Variants in DNAH6 observed in about 807,000 individuals in gnomAD.
DNAH6 encodes axonemal beta dynein heavy chain 6.
Under a neutral mutation model 491.4 loss-of-function variants are expected in DNAH6, and 340 were observed. That is an observed-to-expected ratio of 0.69 (90% confidence interval 0.63 to 0.76). DNAH6 has a LOEUF of 0.76. Ranked by LOEUF, DNAH6 falls within the 30% of genes least tolerant of loss-of-function variation. The pLI is 0.00. For missense variants in DNAH6, 4,443 were observed against 4,972.2 expected, an observed-to-expected ratio of 0.89 and a Z score of 3.20; for synonymous variants, 1,603 against 1,686.1, an observed-to-expected ratio of 0.95 and a Z score of 1.21.
Position 84,819,387 on chromosome 2 carries a change from G to C in DNAH6, c.12456G>C (p.Leu4152Phe). The part of the protein sequence containing the change: ...KDYWIAKGSA[L>F]LCQLSE The stretch of plus-strand genomic sequence containing the variant: ...ACTGGATTGCCAAGGGATCAGCTTT[G>C]CTCTGCCAGCTGAGCGAATGAAAAG... The change falls in exon 77 of 77, where the codon TTG becomes TTC. Residue 4152 changes from leucine (L) to phenylalanine (F), a missense_variant. Around this residue, in one of 3 missense-constraint regions of DNAH6, gnomAD observed 1,463 missense variants for 1,656.6 expected, o/e 0.88. Transcript: ENST00000389394. 1 of 1,551,006 alleles carries C rather than the reference G, an allele frequency of 6.4e-7. No homozygotes were observed. The highest frequency in any genetic ancestry group is 8.7e-7 in the Non-Finnish European group (1 of 1,146,596).
chr2:84,765,085 G>A (rs555651940), intron 64 of DNAH6, among the ~76,000 whole-genome samples: 28 of 151,852 alleles, frequency 1.8e-4, no homozygotes, highest in Non-Finnish European at 3.7e-4. Flanking sequence ...CATTTCAGAA[G>A]AACTTAAATA....
In DNAH6 at chr2:84,619,817, C is replaced by T. The variant is rs889098093; in HGVS notation, c.3705C>T (p.Ala1235=). The T allele has an allele frequency of 2.9e-5, 45 of 1,551,232 alleles. No individual in the cohort carries two copies. Among genetic ancestry groups the T allele is most frequent in the African/African-American group, 6.9e-5 (5 of 72,946 alleles). ...TCGAATTTGCTCTCATGCCTCCTGC[C>T]GAAGGAAAGATTCCTGGTATTGATG... ...SKLEFALMPP[A]EGKIPGIDGE... The change falls in exon 24 of 77, where the codon GCC becomes GCT. Residue 1235 remains alanine (A), a synonymous_variant. Transcript: ENST00000389394.
At chr2:84,719,661 C>A (rs1697894789) in intron 59 of DNAH6, among the ~76,000 whole-genome samples, 1 of 151,964 alleles carries the variant, frequency 6.6e-6, no homozygotes, top group South Asian at 2.1e-4. Context: ...CAAATGCACG[C>A]CACTACGCCC....
intron 2 of DNAH6, among the ~76,000 whole-genome samples, chr2:84,524,313 C>T (rs1676413409): frequency 1.3e-5 from 2 of 151,828 alleles, no homozygotes. Flanking sequence ...AGATTTTCCT[C>T]CATCCCTTTT....
At chr2:84,813,407 C>T (rs1264233139) in intron 74 of DNAH6, among the ~76,000 whole-genome samples, 1 of 152,162 alleles carries the variant, frequency 6.6e-6, no homozygotes, top group Non-Finnish European at 1.5e-5. Flanking sequence ...TGCCTCAGTT[C>T]CCCATATGAC....
rs1022402414 is a variant in DNAH6, at chr2:84,707,731, T to C, written c.9048+15T>C. The C allele has an allele frequency of 6.5e-7, 1 of 1,547,478 alleles. No individual in the cohort carries two copies. The highest frequency in any genetic ancestry group is 1.4e-5 in the African/African-American group (1 of 72,958). On this transcript the variant is annotated intron_variant, in intron 54 of 76. Transcript: ENST00000389394. ...ACAGGCAGTCAGTGAGTAACCCTGC[T>C]TTCTGTAAGGAGGGGTAAGAAGCAG...
intron 11 of DNAH6, among the ~76,000 whole-genome samples, chr2:84,563,376 TA>T (rs1320989523): frequency 2.0e-5 from 3 of 152,188 alleles, no homozygotes; most frequent in Non-Finnish European, 4.4e-5. Context: ...CTTTTCTCCA[TA>T]GCCTCCCTAG....
the DNAH6 span, among the ~76,000 whole-genome samples, chr2:84,485,988 A>G: frequency 2.0e-5 from 3 of 152,260 alleles, no homozygotes; most frequent in Non-Finnish European, 2.9e-5. Flanking sequence ...ATGTGTCCCC[A>G]TGTTCAAAAA....
At chr2:84,510,902 A>G in the DNAH6 span, among the ~76,000 whole-genome samples, 2 of 152,218 alleles carry the variant, frequency 1.3e-5, no homozygotes, top group African/African-American at 4.8e-5. Context: ...ATTGGTAAAC[A>G]GCAAATGTTG....
chr2:84,505,956 C>T, the DNAH6 span, among the ~76,000 whole-genome samples: 1 of 152,254 alleles, frequency 6.6e-6, no homozygotes, highest in South Asian at 2.1e-4. Context: ...TCCAGTCAAT[C>T]ATTGTTGGAC....
chr2:84,547,359 C>T lies in DNAH6; in HGVS notation c.1022C>T (p.Thr341Ile), dbSNP rs762808476. 6.4e-7 allele frequency: 1 copy of T among 1,551,704 alleles called. No homozygotes were observed. The highest frequency in any genetic ancestry group is 1.2e-5 in the South Asian group (1 of 84,052). The change falls in exon 6 of 77, where the codon ACC becomes ATC. Residue 341 changes from threonine (T) to isoleucine (I), a missense_variant. By Grantham distance (89) the Thr-to-Ile change is moderately conservative. Around this residue, in one of 3 missense-constraint regions of DNAH6, gnomAD observed 2,977 missense variants for 3,296.6 expected, o/e 0.90. Coordinates refer to ENST00000389394, the MANE Select transcript of DNAH6 (RefSeq NM_001370.2). Reference protein sequence around the residue: ...LCYIEKCHTYTLQEFKAAQVI... With the variant: ...LCYIEKCHTYILQEFKAAQVI... ...TATATTGAAAAGTGTCACACCTACA[C>T]CCTGCAGGAATTTAAGGCCGCACAA...
intron 40 of DNAH6, among the ~76,000 whole-genome samples, chr2:84,675,978 A>G (rs1167755752): frequency 2.6e-5 from 4 of 152,136 alleles, no homozygotes; most frequent in African/African-American, 7.2e-5. Flanking sequence ...TGTCCTTCCC[A>G]CTAAAGCTGC....
At chr2:84,756,971 A>T (rs970494328) in intron 63 of DNAH6, among the ~76,000 whole-genome samples, 1 of 152,228 alleles carries the variant, frequency 6.6e-6, no homozygotes, top group African/African-American at 2.4e-5. Flanking sequence ...AGGAGCTCCT[A>T]GCAAAGAACT....
In DNAH6 at chr2:84,813,963, A is replaced by C. The variant is rs777625165; in HGVS notation, c.11999-8A>C. 227 of 1,551,546 alleles carry C rather than the reference A, an allele frequency of 1.5e-4. 5 individuals carry two copies. In the South Asian group the frequency reaches 2.1e-3, roughly 14 times the overall value. On this transcript the variant is annotated splice_region_variant and splice_polypyrimidine_tract_variant and intron_variant, in intron 74 of 76. Coordinates refer to ENST00000389394, the MANE Select transcript of DNAH6 (RefSeq NM_001370.2). ...TTGAACGCAGCTTTCCGATTTTCAC[A>C]ATTACAGGAACTCTTCAAAATCATG... is the stretch of plus-strand genomic sequence containing the variant.
At chr2:84,592,388 A>G (rs545084118) in intron 16 of DNAH6, among the ~76,000 whole-genome samples, 24 of 152,306 alleles carry the variant, frequency 1.6e-4, no homozygotes, top group African/African-American at 5.3e-4. Flanking sequence ...ATCAAACCAC[A>G]AGAAGGTATC....
chr2:84,654,276 A>G lies in DNAH6; in HGVS notation c.5635-384A>G, dbSNP rs77806216. Among the ~76,000 whole-genome samples, 1,150 of 152,262 alleles carry G rather than the reference A, an allele frequency of 7.6e-3. 14 individuals are homozygous for G. The highest frequency in any genetic ancestry group is 0.037 in the Middle Eastern group (11 of 294). On this transcript the variant is annotated intron_variant, in intron 34 of 76. Transcript: ENST00000389394. ...AGAGGAATGTGGACCAAGTACAGCT[A>G]CCAACATTATGAAGGATGCCACCTG...
chr2:84,673,145 G>A (rs1305252010), intron 40 of DNAH6, among the ~76,000 whole-genome samples: 1 of 152,146 alleles, frequency 6.6e-6, no homozygotes, highest in African/African-American at 2.4e-5. Context: ...AGGCATGCAT[G>A]CCAAAGCAGG....
the DNAH6 span, among the ~76,000 whole-genome samples, chr2:84,477,119 G>T: frequency 6.6e-6 from 1 of 152,196 alleles, no homozygotes; most frequent in Non-Finnish European, 1.5e-5. Context: ...GGACCAGGGG[G>T]CCATTGCAAT....
intron 12 of DNAH6, among the ~76,000 whole-genome samples, chr2:84,576,951 G>T (rs1348375073): frequency 6.6e-6 from 1 of 152,128 alleles, no homozygotes. Flanking sequence ...ACCTAACTCT[G>T]AAATCTAGTC....
Sources: gnomAD v4.1 joint callset for allele counts (sites outside exome capture counted in the v4.1 genomes callset) on GRCh38, gnomAD v4.1.1 for gene constraint, gnomAD v4.1.1 regional missense constraint, MANE v1.5 for transcripts, NCBI Gene and HGNC (gene_info 2026-07-23, HGNC 2026-07-21) for gene names.